TENM3: variants seen among roughly 807,000 people sequenced by gnomAD.
The protein encoded by TENM3 is teneurin transmembrane protein 3.
A neutral mutation model predicts 255.1 loss-of-function variants in TENM3; 63 were observed. The observed-to-expected ratio is 0.25, with a 90% CI of 0.20 to 0.30. The LOEUF (loss-of-function observed/expected upper bound fraction) is 0.30, where lower values mean the gene tolerates loss of function less well. Among genes scored for constraint, TENM3 ranks in the 10% least tolerant of loss-of-function variants. The pLI is 1.00. For synonymous variants in TENM3, 1,306 were observed against 1,322.3 expected, an observed-to-expected ratio of 0.99 and a Z score of 0.27; for missense variants, 2,929 against 3,461.1, an observed-to-expected ratio of 0.85 and a Z score of 3.86.
chr4:181,849,975 A>ACACACACACACACACACACACC, the TENM3 span, among the ~76,000 whole-genome samples: 1 of 148,172 alleles, frequency 6.7e-6, no homozygotes, highest in Non-Finnish European at 1.5e-5. Context: ...ACACACACAC[A>ACACACACACACACACACACACC]CACACACACA....
At chr4:182,129,858 C>T in the TENM3 span, among the ~76,000 whole-genome samples, 6 of 152,038 alleles carry the variant, frequency 3.9e-5, no homozygotes, top group East Asian at 1.2e-3. Flanking sequence ...AACTATAACA[C>T]TATAGTAGGA....
the TENM3 span, among the ~76,000 whole-genome samples, chr4:181,656,397 G>A: frequency 3.0e-4 from 45 of 152,324 alleles, no homozygotes; most frequent in African/African-American, 9.9e-4. Context: ...AGCCAGCATT[G>A]TAAATAAAGG....
At chr4:182,050,254 A>G in the TENM3 span, among the ~76,000 whole-genome samples, 1 of 152,054 alleles carries the variant, frequency 6.6e-6, no homozygotes, top group Non-Finnish European at 1.5e-5. Flanking sequence ...CGGCCTCCCA[A>G]AGTATTGGGA....
the TENM3 span, among the ~76,000 whole-genome samples, chr4:181,545,491 T>G: frequency 0.87 from 132,545 of 152,140 alleles, 57,910 homozygotes; most frequent in Middle Eastern, 0.97. Context: ...ACCCCAGAAT[T>G]TATTACTTCT....
the TENM3 span, among the ~76,000 whole-genome samples, chr4:181,740,908 A>G: frequency 1.3e-5 from 2 of 152,194 alleles, no homozygotes; most frequent in Non-Finnish European, 2.9e-5. Context: ...ACAGAGCCCC[A>G]CTTAAAAAGA....
chr4:181,607,621 T>C, the TENM3 span, among the ~76,000 whole-genome samples: 1 of 152,154 alleles, frequency 6.6e-6, no homozygotes, highest in South Asian at 2.1e-4. Context: ...GCCAGGATGG[T>C]CTCGATCTCC....
chr4:182,567,097 A>ATC (rs1743862041), intron 3 of TENM3, among the ~76,000 whole-genome samples: 1 of 152,214 alleles, frequency 6.6e-6, no homozygotes, highest in Non-Finnish European at 1.5e-5. Flanking sequence ...AAGAGACATA[A>ATC]TCTATGCCCT....
chr4:182,389,974 C>T (rs928312471), intron 3 of TENM3, among the ~76,000 whole-genome samples: 1 of 152,154 alleles, frequency 6.6e-6, no homozygotes. Flanking sequence ...CGTGAGCCAC[C>T]GCGCCCGGCC....
chr4:182,413,636 C>CTACAAAAGA (rs2151094479), intron 3 of TENM3, among the ~76,000 whole-genome samples: 1 of 152,056 alleles, frequency 6.6e-6, no homozygotes, highest in South Asian at 2.1e-4. Flanking sequence ...ACCACATTAT[C>CTACAAAAGA]TACAAAAGAA....
At chr4:182,514,344 C>G (rs1737723255) in intron 3 of TENM3, among the ~76,000 whole-genome samples, 3 of 152,110 alleles carry the variant, frequency 2.0e-5, no homozygotes, top group African/African-American at 7.2e-5. Context: ...TGACAGATTT[C>G]TAGCTTGACA....
Position 182,789,557 on chromosome 4 carries a change from A to G in TENM3, c.5601+168A>G, listed in dbSNP as rs1248855658. On this transcript the variant is annotated intron_variant, in intron 25 of 27. Transcript: ENST00000511685. This position sits in a 1 kb window ranked among gnomAD's most constrained non-coding sequence, Gnocchi z 4.4. ...TGGCACAGCAGTGATGAATTTCTGC[A>G]TTAGCAAAGTAGTTTCTCCTTAGTT... Among the ~76,000 whole-genome samples the G allele has an allele frequency of 6.6e-6, 1 of 152,254 alleles. No individual in the cohort carries two copies. The highest frequency in any genetic ancestry group is 1.5e-5 in the Non-Finnish European group (1 of 68,046).
intron 3 of TENM3, among the ~76,000 whole-genome samples, chr4:182,488,954 T>C (rs1438247311): frequency 6.6e-6 from 1 of 152,140 alleles, no homozygotes; most frequent in East Asian, 1.9e-4. Flanking sequence ...AAAAAAATGA[T>C]TCATTTTCAC....
the TENM3 span, among the ~76,000 whole-genome samples, chr4:181,715,626 T>C: frequency 6.6e-6 from 1 of 152,228 alleles, no homozygotes; most frequent in South Asian, 2.1e-4. Flanking sequence ...TTTATCTGTA[T>C]TGGGTATGCA....
chr4:181,808,617 T>G, the TENM3 span, among the ~76,000 whole-genome samples: 1 of 152,216 alleles, frequency 6.6e-6, no homozygotes, highest in Non-Finnish European at 1.5e-5. Flanking sequence ...AACAGCTAGA[T>G]GCCTGCCTAC....
the TENM3 span, among the ~76,000 whole-genome samples, chr4:181,712,113 C>A: frequency 6.6e-6 from 1 of 152,050 alleles, no homozygotes; most frequent in Non-Finnish European, 1.5e-5. Context: ...CCAACCCCAG[C>A]CAGTCAGTGC....
intron 1 of TENM3, among the ~76,000 whole-genome samples, chr4:182,249,664 G>A (rs955437467): frequency 6.6e-6 from 1 of 152,186 alleles, no homozygotes; most frequent in Non-Finnish European, 1.5e-5. Flanking sequence ...GGTGGGGGTT[G>A]GGGACCTCTG....
chr4:181,699,838 G>T, the TENM3 span, among the ~76,000 whole-genome samples: 2 of 152,162 alleles, frequency 1.3e-5, no homozygotes, highest in Non-Finnish European at 2.9e-5. Flanking sequence ...TTAACGAAAG[G>T]CTGCCTAACT....
intron 3 of TENM3, among the ~76,000 whole-genome samples, chr4:182,386,897 G>A (rs1472528756): frequency 5.3e-5 from 8 of 152,198 alleles, no homozygotes; most frequent in East Asian, 1.9e-4. Flanking sequence ...GTTCCACGGC[G>A]CCCAGTCCCA....
At chr4:181,592,967 G>C in the TENM3 span, among the ~76,000 whole-genome samples, 2 of 152,118 alleles carry the variant, frequency 1.3e-5, no homozygotes, top group Non-Finnish European at 2.9e-5. Flanking sequence ...ATAGGATTCT[G>C]GTGCTCCTTG....
Sources: gnomAD v4.1 joint callset for allele counts (sites outside exome capture counted in the v4.1 genomes callset) on GRCh38, gnomAD v4.1.1 for gene constraint, Gnocchi (gnomAD v3.1) non-coding constraint, MANE v1.5 for transcripts, NCBI Gene and HGNC (gene_info 2026-07-23, HGNC 2026-07-21) for gene names.